The following AGBL4 variants were observed in gnomAD, a reference collection of about 807,000 sequenced individuals.
AGBL4 encodes AGBL carboxypeptidase 4.
A neutral mutation model predicts 66.4 loss-of-function variants in AGBL4; 58 were observed. The observed-to-expected ratio is 0.87, with a 90% CI of 0.71 to 1.09. AGBL4 has a LOEUF of 1.09. AGBL4 is among the 50% of genes least tolerant of loss of function. The probability of loss-of-function intolerance (pLI) is 0.00; values close to 1 mark genes in which losing one functional copy is unlikely to be tolerated. For missense variants in AGBL4, 579 were observed against 631.0 expected, an observed-to-expected ratio of 0.92 and a Z score of 0.88; for synonymous variants, 234 against 222.9, an observed-to-expected ratio of 1.05 and a Z score of -0.44.
intron 3 of AGBL4, among the ~76,000 whole-genome samples, chr1:49,535,117 A>C (rs1237795480): frequency 6.6e-6 from 1 of 152,124 alleles, no homozygotes; most frequent in African/African-American, 2.4e-5. Context: ...ACAGTATATT[A>C]TATGCATCAA....
intron 3 of AGBL4, among the ~76,000 whole-genome samples, chr1:49,252,200 T>A (rs990345752): frequency 4.6e-5 from 7 of 151,976 alleles, no homozygotes; most frequent in South Asian, 2.1e-4. Flanking sequence ...ATAACCAGTA[T>A]AGAAAACAAC....
intron 4 of AGBL4, among the ~76,000 whole-genome samples, chr1:49,069,551 G>T (rs1644558153): frequency 6.6e-6 from 1 of 151,660 alleles, no homozygotes; most frequent in African/African-American, 2.4e-5. Flanking sequence ...GATGTGTGGT[G>T]TTTTTTTCTG....
At chr1:48,884,628 C>T (rs1650129336) in intron 5 of AGBL4, among the ~76,000 whole-genome samples, 1 of 152,184 alleles carries the variant, frequency 6.6e-6, no homozygotes, top group African/African-American at 2.4e-5. Context: ...TACATTTACA[C>T]AGATGTGTCT....
intron 3 of AGBL4, among the ~76,000 whole-genome samples, chr1:49,529,478 A>G (rs964596624): frequency 1.3e-5 from 2 of 152,030 alleles, no homozygotes; most frequent in African/African-American, 4.8e-5. Flanking sequence ...CAGGAGTTCA[A>G]GACAAGCCTG....
chr1:50,021,882 C>T (rs1444233392), intron 1 of AGBL4, among the ~76,000 whole-genome samples: 1 of 152,194 alleles, frequency 6.6e-6, no homozygotes, highest in African/African-American at 2.4e-5. Context: ...AAATTCATAT[C>T]ATATTCTACA....
At chr1:49,121,895 C>T (rs1226160059) in intron 4 of AGBL4, among the ~76,000 whole-genome samples, 3 of 152,248 alleles carry the variant, frequency 2.0e-5, no homozygotes, top group Non-Finnish European at 4.4e-5. Flanking sequence ...GCTTTGTTTA[C>T]CTACTCAAAC....
At chr1:49,370,738 G>A (rs1017707163) in intron 3 of AGBL4, among the ~76,000 whole-genome samples, 2 of 152,152 alleles carry the variant, frequency 1.3e-5, no homozygotes, top group African/African-American at 4.8e-5. Context: ...GTATCATTAT[G>A]AGATAAAATA....
chr1:48,758,682 C>T (rs927596593), intron 6 of AGBL4, among the ~76,000 whole-genome samples: 1 of 152,180 alleles, frequency 6.6e-6, no homozygotes, highest in Non-Finnish European at 1.5e-5. Flanking sequence ...CCATGTTCGC[C>T]AATGTTCCCA....
intron 5 of AGBL4, among the ~76,000 whole-genome samples, chr1:49,033,360 T>C (rs1438874302): frequency 6.6e-6 from 1 of 152,142 alleles, no homozygotes; most frequent in Non-Finnish European, 1.5e-5. Context: ...CCAAAAATTA[T>C]TCAATTTAAA....
At chr1:48,724,782 T>G (rs1430002848) in intron 6 of AGBL4, among the ~76,000 whole-genome samples, 1 of 152,144 alleles carries the variant, frequency 6.6e-6, no homozygotes, top group Non-Finnish European at 1.5e-5. Context: ...ACCTAAAAAG[T>G]CACCAATATA....
chr1:49,518,660 T>G (rs1650021807), intron 3 of AGBL4, among the ~76,000 whole-genome samples: 1 of 152,094 alleles, frequency 6.6e-6, no homozygotes, highest in South Asian at 2.1e-4. Flanking sequence ...TAAGGAATTT[T>G]CAAGATCAAA....
chr1:49,915,832 C>G (rs1306806641), intron 1 of AGBL4, among the ~76,000 whole-genome samples: 2 of 152,104 alleles, frequency 1.3e-5, no homozygotes, highest in African/African-American at 2.4e-5. Context: ...GGAGACACCC[C>G]CTAATAGGGG....
At chr1:49,917,218 C>A (rs1325215229) in intron 1 of AGBL4, among the ~76,000 whole-genome samples, 1 of 152,118 alleles carries the variant, frequency 6.6e-6, no homozygotes, top group Non-Finnish European at 1.5e-5. Context: ...ATGACAGGAT[C>A]AAATTCACAC....
chr1:48,678,308 G>A (rs1266825120), intron 6 of AGBL4, among the ~76,000 whole-genome samples: 1 of 151,420 alleles, frequency 6.6e-6, no homozygotes, highest in African/African-American at 2.4e-5. Flanking sequence ...CTCAGCTCTT[G>A]ATTTGAGAGA....
chr1:48,935,248 A>G (rs1029627706), intron 5 of AGBL4, among the ~76,000 whole-genome samples: 5 of 152,174 alleles, frequency 3.3e-5, no homozygotes, highest in Non-Finnish European at 7.3e-5. Flanking sequence ...ATATGTTTCA[A>G]TATGGAGGAA....
chr1:49,266,208 C>T (rs1318651182), intron 3 of AGBL4: 1 of 152,074 alleles, frequency 6.6e-6, no homozygotes, highest in African/African-American at 2.4e-5. Flanking sequence ...GAAGATTCCT[C>T]TCCCTCACTG....
At chr1:48,609,503 C>A (rs1007073554) in intron 9 of AGBL4, among the ~76,000 whole-genome samples, 7 of 152,200 alleles carry the variant, frequency 4.6e-5, no homozygotes, top group Non-Finnish European at 7.3e-5. Context: ...CTCACTGCAG[C>A]CTTGACCTCC....
chr1:49,317,173 G>GT lies in AGBL4; in HGVS notation c.283-71310dup, dbSNP rs542893073. On this transcript the variant is annotated intron_variant, in intron 3 of 13. Coordinates refer to ENST00000371839, the MANE Select transcript of AGBL4 (RefSeq NM_032785.4). ...AATTGGGTTATGAGCCGGATTTTTT[G>GT]TTTTCGTCTTTTTGGTTATCTATAT... Among the ~76,000 whole-genome samples the GT allele has an allele frequency of 4.6e-5, 7 of 151,768 alleles. No individual in the cohort carries two copies. The South Asian group carries it at 1.5e-3, about 31-fold the overall frequency.
chr1:49,062,116 T>C (rs1644413781), intron 4 of AGBL4, among the ~76,000 whole-genome samples: 1 of 152,172 alleles, frequency 6.6e-6, no homozygotes, highest in African/African-American at 2.4e-5. Context: ...TAATGCCTGA[T>C]GATCTGAGGT....
Sources: gnomAD v4.1 joint callset for allele counts (sites outside exome capture counted in the v4.1 genomes callset) on GRCh38, gnomAD v4.1.1 for gene constraint, MANE v1.5 for transcripts, NCBI Gene and HGNC (gene_info 2026-07-23, HGNC 2026-07-21) for gene names.